Variants in VGLL4 observed in about 807,000 individuals in gnomAD.
VGLL4 encodes vestigial like family member 4, also known as transcription cofactor vestigial-like protein 4.
A neutral mutation model predicts 21.0 loss-of-function variants in VGLL4; 7 were observed. The ratio of observed to expected loss-of-function variants is 0.33; its 90% CI spans 0.19 to 0.63. VGLL4 has a LOEUF of 0.63. Ranked by LOEUF, VGLL4 falls within the 20% of genes least tolerant of loss-of-function variation. The pLI is 0.78. For missense variants in VGLL4, 394 were observed against 425.7 expected (o/e 0.93, Z 0.66); for synonymous variants, 222 against 173.2 (o/e 1.28, Z -2.21).
At chr3:11,698,302 A>G (rs2076632183) in intron 2 of VGLL4, among the ~76,000 whole-genome samples, 1 of 152,130 alleles carries the variant, frequency 6.6e-6, no homozygotes, top group Non-Finnish European at 1.5e-5. Context: ...TGAGCTCAGG[A>G]GTTTGAGACC....
chr3:11,714,406 T>A (rs1413668383), intron 1 of VGLL4, among the ~76,000 whole-genome samples: 1 of 152,086 alleles, frequency 6.6e-6, no homozygotes, highest in Non-Finnish European at 1.5e-5. Context: ...CAAATAAAAA[T>A]GAGGCCAGGC....
chr3:11,569,001 G>A, intron 2 of VGLL4: 1 of 1,023,394 alleles, frequency 9.8e-7, no homozygotes, highest in South Asian at 3.2e-5. Context: ...CCATCATCCA[G>A]GACAGAGCTT....
At chr3:11,622,031 C>T (rs1194204152) in intron 1 of VGLL4, among the ~76,000 whole-genome samples, 6 of 146,358 alleles carry the variant, frequency 4.1e-5, no homozygotes, top group Admixed American at 4.1e-4. Context: ...TTCTATACAT[C>T]TCAATACAGG....
At chr3:11,638,254 A>G (rs1381224478) in intron 1 of VGLL4, among the ~76,000 whole-genome samples, 1 of 152,308 alleles carries the variant, frequency 6.6e-6, no homozygotes, top group South Asian at 2.1e-4. Flanking sequence ...AAGGCCACGC[A>G]GACAATAGGG....
chr3:11,649,731 G>T (rs1234021257), intron 2 of VGLL4, among the ~76,000 whole-genome samples: 1 of 152,178 alleles, frequency 6.6e-6, no homozygotes, highest in Non-Finnish European at 1.5e-5. Flanking sequence ...CTCTACACTT[G>T]CAGAGCTTAT....
chr3:11,702,109 T>G (rs953822976), intron 2 of VGLL4, among the ~76,000 whole-genome samples: 3 of 152,172 alleles, frequency 2.0e-5, no homozygotes, highest in African/African-American at 7.2e-5. Context: ...TGACACATAC[T>G]GTACATTTCC....
At chr3:11,694,196 T>A (rs1236338688) in intron 2 of VGLL4, among the ~76,000 whole-genome samples, 1 of 152,242 alleles carries the variant, frequency 6.6e-6, no homozygotes, top group Non-Finnish European at 1.5e-5. Flanking sequence ...TGAGAAATTT[T>A]TACTTTTGTT....
At chr3:11,681,093 TTTTG>T (rs1222081651) in intron 2 of VGLL4, among the ~76,000 whole-genome samples, 2 of 152,190 alleles carry the variant, frequency 1.3e-5, no homozygotes, top group East Asian at 3.9e-4. Context: ...ATATTTCTTT[TTTTG>T]TTTGTTTTGT....
At chr3:11,656,273 T>C (rs2075957455) in intron 2 of VGLL4, among the ~76,000 whole-genome samples, 1 of 152,180 alleles carries the variant, frequency 6.6e-6, no homozygotes, top group Non-Finnish European at 1.5e-5. Flanking sequence ...AGTTGCTCAC[T>C]TAGGATGGAA....
intron 2 of VGLL4, among the ~76,000 whole-genome samples, chr3:11,667,916 T>A (rs2125363655): frequency 7.2e-6 from 1 of 138,432 alleles, no homozygotes; most frequent in Non-Finnish European, 1.5e-5. Context: ...TGAAGTGGCG[T>A]GATCTCAGCT....
At chr3:11,689,893 G>A (rs2076502542) in intron 2 of VGLL4, among the ~76,000 whole-genome samples, 2 of 152,162 alleles carry the variant, frequency 1.3e-5, no homozygotes, top group African/African-American at 2.4e-5. Flanking sequence ...CTCCAGTGGC[G>A]AAGGACGTTC....
chr3:11,558,658 G>T lies in VGLL4; in HGVS notation c.789C>A (p.Asp263Glu). The T allele has an allele frequency of 6.2e-7, 1 of 1,612,716 alleles. No individual in the cohort carries two copies. Among genetic ancestry groups the T allele is most frequent in the Non-Finnish European group, 8.5e-7 (1 of 1,180,018 alleles). Residue 263 changes from aspartate (D) to glutamate (E), a missense_variant, in exon 5 of 5, where the codon GAC becomes GAA. Coordinates refer to ENST00000430365, the MANE Select transcript of VGLL4 (RefSeq NM_001128219.3). ...CGGACTCAGGGCTGCTGGATGCTCC[G>T]TCCTTGGCCGCTTTGATCTGGAGCC... ...DTWLQIKAAKDGASSSPESAS... is the reference protein window; with the variant it reads ...DTWLQIKAAKEGASSSPESAS...
intron 2 of VGLL4, among the ~76,000 whole-genome samples, chr3:11,570,169 T>C (rs1389453184): frequency 1.3e-5 from 2 of 152,062 alleles, no homozygotes; most frequent in African/African-American, 4.8e-5. Flanking sequence ...AGGCTTTGCC[T>C]AGACATGCTG....
At chr3:11,627,947 G>A (rs1030546051) in intron 1 of VGLL4, among the ~76,000 whole-genome samples, 2 of 152,194 alleles carry the variant, frequency 1.3e-5, no homozygotes, top group Non-Finnish European at 2.9e-5. Context: ...TAGTGCATAG[G>A]AGGATTACTA....
At chr3:11,720,235 C>G (rs1370923296) in intron 1 of VGLL4, among the ~76,000 whole-genome samples, 1 of 151,790 alleles carries the variant, frequency 6.6e-6, no homozygotes, top group Non-Finnish European at 1.5e-5. Flanking sequence ...CGCGAGCAGC[C>G]GGATAAGGGC....
intron 2 of VGLL4, among the ~76,000 whole-genome samples, chr3:11,665,109 T>C (rs1286781928): frequency 0.33 from 38,214 of 114,956 alleles, 8,246 homozygotes; most frequent in Non-Finnish European, 0.44. Context: ...TTCTTTTTTT[T>C]TTTTTTTTTT....
At chr3:11,622,927 C>A (rs115990541) in intron 1 of VGLL4, among the ~76,000 whole-genome samples, 1 of 152,218 alleles carries the variant, frequency 6.6e-6, no homozygotes, top group Non-Finnish European at 1.5e-5. Context: ...TCCTTTCTTA[C>A]GCTTCCTTGG....
chr3:11,561,135 A>G (rs2072956362), intron 3 of VGLL4, among the ~76,000 whole-genome samples: 1 of 147,258 alleles, frequency 6.8e-6, no homozygotes, highest in Non-Finnish European at 1.5e-5. Context: ...ACCCCCCCCC[A>G]GGGTCCTCCC....
intron 3 of VGLL4, among the ~76,000 whole-genome samples, chr3:11,563,983 G>T (rs942017831): frequency 6.6e-6 from 1 of 152,144 alleles, no homozygotes; most frequent in East Asian, 1.9e-4. Flanking sequence ...GGACACAGAG[G>T]CTCTTGCAGC....
Sources: allele counts gnomAD v4.1 joint callset (sites outside exome capture counted in the v4.1 genomes callset), GRCh38; gene constraint gnomAD v4.1.1; transcripts MANE v1.5; gene names NCBI Gene and HGNC (gene_info 2026-07-23, HGNC 2026-07-21).